BCLAF3: variants seen among roughly 807,000 people sequenced by gnomAD.
The protein encoded by BCLAF3 is BCLAF1 and THRAP3 family member 3, also known as transient octamer binding factor 1.
BCLAF3 carries 24 observed loss-of-function variants against 51.2 expected under a neutral mutation model. The ratio of observed to expected loss-of-function variants is 0.47; its 90% CI spans 0.34 to 0.66. BCLAF3 has a LOEUF of 0.66. Among genes scored for constraint, BCLAF3 ranks in the 30% least tolerant of loss-of-function variants. The pLI is 0.01. For missense variants in BCLAF3, 465 were observed against 525.1 expected (o/e 0.89, Z 1.12); for synonymous variants, 152 against 176.6 (o/e 0.86, Z 1.10).
chrX:19,989,575 A>G (rs1430689956), intron 1 of BCLAF3, among the ~76,000 whole-genome samples: 1 of 112,551 alleles, frequency 8.9e-6, no homozygotes, highest in Non-Finnish European at 1.9e-5. Context: ...AATGAAATAA[A>G]TTATAATATT....
Position 19,972,458 on chromosome X carries a change from C to G in BCLAF3, c.-34-2160G>C, listed in dbSNP as rs567471164. ...ATGAGAAAGGAAAATTTTTCTGGAG[C>G]ATAATCTTTTTTCCATTTTTAAAAA... is the stretch of plus-strand genomic sequence containing the variant. On this transcript the variant is annotated intron_variant, in intron 1 of 11. Coordinates refer to ENST00000379682, the MANE Select transcript of BCLAF3 (RefSeq NM_001367774.2). Among the ~76,000 whole-genome samples the G allele has an allele frequency of 2.9e-4, 32 of 111,960 alleles. No homozygotes were observed. The South Asian group carries it at 0.011, about 40-fold the overall frequency.
At chrX:19,928,261 T>C (rs2070424625) in intron 11 of BCLAF3, among the ~76,000 whole-genome samples, 2 of 110,427 alleles carry the variant, frequency 1.8e-5, no homozygotes, top group Admixed American at 1.9e-4. Flanking sequence ...CAATTCCAAT[T>C]ACCAAGTAAA....
intron 1 of BCLAF3, among the ~76,000 whole-genome samples, chrX:19,981,046 C>T (rs1187084255): frequency 3.6e-5 from 4 of 111,041 alleles, no homozygotes; most frequent in African/African-American, 9.8e-5. Context: ...AGAAGCAGTT[C>T]CACTGCTATG....
intron 9 of BCLAF3, 21 bp from the exon 10 acceptor site, chrX:19,935,919 G>A: frequency 8.9e-7 from 1 of 1,123,346 alleles, no homozygotes; most frequent in Non-Finnish European, 1.2e-6. Context: ...AAAAGTAGTA[G>A]TGTGGGTTAA....
chrX:19,989,154 T>C (rs755871608), intron 1 of BCLAF3, among the ~76,000 whole-genome samples: 49 of 109,629 alleles, frequency 4.5e-4, no homozygotes, highest in Admixed American at 3.9e-4. Flanking sequence ...AAAACCCTTA[T>C]GTGCATACTC....
intron 4 of BCLAF3, among the ~76,000 whole-genome samples, chrX:19,959,494 G>A (rs2071778923): frequency 9.0e-6 from 1 of 111,404 alleles, no homozygotes; most frequent in Non-Finnish European, 1.9e-5. Context: ...GGTGGCTCAC[G>A]CCTGTAATCC....
chrX:19,962,968 C>T lies in BCLAF3; in HGVS notation c.1274+2076G>A, dbSNP rs188328153. On this transcript the variant is annotated intron_variant, in intron 4 of 11. Coordinates refer to ENST00000379682, the MANE Select transcript of BCLAF3 (RefSeq NM_001367774.2). Reference sequence around the variant, plus strand: ...GGTGTGGTGGTGCAGGCCTGTAGTCCCAGCTACTCAGGAGGCTGATGCAGG... The same window carrying T: ...GGTGTGGTGGTGCAGGCCTGTAGTCTCAGCTACTCAGGAGGCTGATGCAGG... Among the ~76,000 whole-genome samples, 298 of 108,140 alleles carry T rather than the reference C, an allele frequency of 2.8e-3. 1 individual carries two copies. Among genetic ancestry groups the T allele is most frequent in the African/African-American group, 9.4e-3 (281 of 29,769 alleles). The allele number at this position is 108,140 out of a possible 115,157, so 93.9% of individuals were successfully genotyped here.
intron 11 of BCLAF3, among the ~76,000 whole-genome samples, chrX:19,926,966 C>T (rs1429273241): frequency 9.0e-6 from 1 of 111,549 alleles, no homozygotes; most frequent in Non-Finnish European, 1.9e-5. Context: ...GTGGCTTACA[C>T]CTGTAATGCC....
intron 11 of BCLAF3, among the ~76,000 whole-genome samples, chrX:19,926,993 G>A (rs1253952715): frequency 9.0e-6 from 1 of 111,377 alleles, no homozygotes; most frequent in Non-Finnish European, 1.9e-5. Context: ...TTGGGAGGCC[G>A]AGGCAGGTGG....
At chrX:19,986,204 T>G (rs1357758311) in intron 1 of BCLAF3, among the ~76,000 whole-genome samples, 1 of 111,235 alleles carries the variant, frequency 9.0e-6, no homozygotes, top group African/African-American at 3.3e-5. Context: ...CCAAATAAAT[T>G]TGAAAACCCA....
intron 1 of BCLAF3, among the ~76,000 whole-genome samples, chrX:19,976,280 A>T (rs2072419481): frequency 1.8e-5 from 2 of 112,641 alleles, no homozygotes; most frequent in African/African-American, 6.5e-5. Context: ...CCACCCTGCT[A>T]AGAATCCAGG....
intron 1 of BCLAF3, among the ~76,000 whole-genome samples, chrX:19,981,007 GAGA>G (rs767488794): frequency 1.8e-5 from 2 of 110,687 alleles, no homozygotes; most frequent in Admixed American, 9.7e-5. Flanking sequence ...TAGAAAACGG[GAGA>G]AGAAGAGAAA....
At chrX:19,966,725 T>C (rs2072072917) in intron 2 of BCLAF3, 76 bp from the exon 3 acceptor site, 6 of 892,048 alleles carry the variant, frequency 6.7e-6, no homozygotes, top group Middle Eastern at 3.6e-4. Context: ...CCAAAAACAG[T>C]TGCTTTTCCT....
chrX:19,938,357 G>A (rs1249775398), intron 8 of BCLAF3, among the ~76,000 whole-genome samples: 2 of 111,011 alleles, frequency 1.8e-5, no homozygotes, highest in Non-Finnish European at 3.8e-5. Flanking sequence ...TTGCTACCTC[G>A]CTCCAATCTC....
At chrX:19,924,422 G>A (rs965990862) in intron 11 of BCLAF3, among the ~76,000 whole-genome samples, 11 of 111,743 alleles carry the variant, frequency 9.8e-5, no homozygotes, top group African/African-American at 3.3e-4. Context: ...GCTTGAAAGT[G>A]ATGATGCCCT....
chrX:19,931,651 T>C (rs1273176211), intron 10 of BCLAF3, among the ~76,000 whole-genome samples: 2 of 112,195 alleles, frequency 1.8e-5, no homozygotes, highest in Non-Finnish European at 3.8e-5. Context: ...GAGAGAGATA[T>C]GGTAGAGAAG....
intron 2 of BCLAF3, among the ~76,000 whole-genome samples, chrX:19,966,961 T>G (rs1337582971): frequency 9.0e-6 from 1 of 111,273 alleles, no homozygotes; most frequent in Non-Finnish European, 1.9e-5. Flanking sequence ...GGAAGACTGC[T>G]GACAGCAAAG....
At chrX:19,963,090 G>GA (rs964795058) in intron 4 of BCLAF3, among the ~76,000 whole-genome samples, 7 of 102,849 alleles carry the variant, frequency 6.8e-5, no homozygotes, top group East Asian at 6.1e-4. Flanking sequence ...GTCTCAAAAA[G>GA]AAAAAAAAGA....
At chrX:19,952,773 C>T (rs1449350840) in intron 7 of BCLAF3, among the ~76,000 whole-genome samples, 1 of 111,585 alleles carries the variant, frequency 9.0e-6, no homozygotes, top group Non-Finnish European at 1.9e-5. Context: ...TAGGGATTGT[C>T]CCTCTTAGGG....
Sources: allele counts gnomAD v4.1 joint callset (sites outside exome capture counted in the v4.1 genomes callset), GRCh38; gene constraint gnomAD v4.1.1; transcripts MANE v1.5; gene names NCBI Gene and HGNC (gene_info 2026-07-23, HGNC 2026-07-21).